The following SMARCAL1 variants were observed in gnomAD, a reference collection of about 807,000 sequenced individuals.
SMARCAL1 encodes SNF2 related chromatin remodeling annealing helicase 1, also known as ATP-driven annealing helicase.
SMARCAL1 carries 58 observed loss-of-function variants against 94.5 expected under a neutral mutation model. The ratio of observed to expected loss-of-function variants is 0.61; its 90% CI spans 0.50 to 0.76. The LOEUF is 0.76. Ranked by LOEUF, SMARCAL1 falls within the 30% of genes least tolerant of loss-of-function variation. The pLI is 0.00. For missense variants in SMARCAL1, 1,051 were observed against 1,177.9 expected (o/e 0.89, Z 1.58); for synonymous variants, 422 against 455.1 (o/e 0.93, Z 0.93).
At chr2:216,461,055 G>GGTGTGTGTGTGTGTGTGTGT (rs71054476) in intron 12 of SMARCAL1, among the ~76,000 whole-genome samples, 9 of 146,340 alleles carry the variant, frequency 6.2e-5, no homozygotes, top group Non-Finnish European at 1.2e-4. Context: ...ACTAGAAAGA[G>GGTGTGTGTGTGTGTGTGTGT]GTGTGTGTGT....
intron 17 of SMARCAL1, among the ~76,000 whole-genome samples, 169 bp downstream of exon 17, chr2:216,478,468 C>T (rs761293636): frequency 6.6e-6 from 1 of 152,178 alleles, no homozygotes; most frequent in African/African-American, 2.4e-5. Context: ...ATGCATGCAT[C>T]GCTTTATGGG....
chr2:216,479,591 T>A (rs1410401214), intron 17 of SMARCAL1, among the ~76,000 whole-genome samples: 1 of 151,896 alleles, frequency 6.6e-6, no homozygotes, highest in Non-Finnish European at 1.5e-5. Flanking sequence ...TGCTAAATAT[T>A]GGGATAAATA....
At chr2:216,450,179 G>A (rs1326169977) in intron 11 of SMARCAL1, among the ~76,000 whole-genome samples, 1 of 152,172 alleles carries the variant, frequency 6.6e-6, no homozygotes, top group East Asian at 1.9e-4. Flanking sequence ...GTGTGATGGG[G>A]AATGAACATT....
chr2:216,435,250 G>A (rs1280291102), intron 8 of SMARCAL1, 88 bp from the exon 9 acceptor site: 12 of 1,400,456 alleles, frequency 8.6e-6, no homozygotes, highest in Admixed American at 6.8e-5. Context: ...GGTGATGGCT[G>A]TTGATGGGCA....
intron 14 of SMARCAL1, among the ~76,000 whole-genome samples, chr2:216,468,822 G>A (rs1320656497): frequency 6.6e-6 from 1 of 152,172 alleles, no homozygotes; most frequent in African/African-American, 2.4e-5. Flanking sequence ...TCAGGTTCAA[G>A]TGATTCTCGT....
intron 4 of SMARCAL1, among the ~76,000 whole-genome samples, chr2:216,417,954 T>C (rs2106018047): frequency 6.6e-6 from 1 of 152,290 alleles, no homozygotes; most frequent in Middle Eastern, 3.4e-3. Context: ...AGAGTCTCAC[T>C]CTGTCGCCCA....
At chr2:216,452,479 AT>A (rs1373483302) in intron 12 of SMARCAL1, among the ~76,000 whole-genome samples, 11 of 145,348 alleles carry the variant, frequency 7.6e-5, no homozygotes, top group African/African-American at 1.9e-4. Context: ...CTGAATATTT[AT>A]AAAATGTTAT....
At chr2:216,478,109 G>A (rs978186497) in intron 16 of SMARCAL1, 94 bp from the exon 17 acceptor site, 44 of 995,256 alleles carry the variant, frequency 4.4e-5, no homozygotes, top group Middle Eastern at 2.1e-4. Context: ...TAAACAAGCC[G>A]TTGTCCCATA....
chr2:216,438,284 G>T, intron 9 of SMARCAL1, 136 bp from the exon 10 acceptor site: 1 of 755,882 alleles, frequency 1.3e-6, no homozygotes. Flanking sequence ...GGCCCAGTGA[G>T]CCATCTCCTT....
intron 12 of SMARCAL1, among the ~76,000 whole-genome samples, chr2:216,463,898 T>G (rs1321743419): frequency 2.0e-5 from 3 of 152,004 alleles, no homozygotes; most frequent in Non-Finnish European, 2.9e-5. Flanking sequence ...CAAAATTAGC[T>G]GGACGTGGTG....
chr2:216,439,724 G>A (rs1339477344), intron 10 of SMARCAL1, among the ~76,000 whole-genome samples: 1 of 152,158 alleles, frequency 6.6e-6, no homozygotes, highest in Non-Finnish European at 1.5e-5. Flanking sequence ...TCCAAGGCAG[G>A]GTCATGTCAT....
chr2:216,417,344 C>T (rs1441132922), intron 4 of SMARCAL1, among the ~76,000 whole-genome samples: 1 of 149,048 alleles, frequency 6.7e-6, no homozygotes, highest in African/African-American at 2.4e-5. Flanking sequence ...GACTGGGTGG[C>T]TTAAACAATA....
intron 12 of SMARCAL1, among the ~76,000 whole-genome samples, chr2:216,451,909 A>G (rs1694459204): frequency 6.6e-6 from 1 of 152,234 alleles, no homozygotes; most frequent in South Asian, 2.1e-4. Context: ...TACCCTGTAT[A>G]AAGATATTTA....
intron 7 of SMARCAL1, among the ~76,000 whole-genome samples, chr2:216,431,840 T>C (rs992934896): frequency 7.2e-5 from 11 of 152,182 alleles, no homozygotes; most frequent in Non-Finnish European, 1.0e-4. Context: ...AACTCAGTGC[T>C]GAGGTTGGTG....
At chr2:216,436,126 G>C (rs530231018) in intron 9 of SMARCAL1, among the ~76,000 whole-genome samples, 1 of 152,166 alleles carries the variant, frequency 6.6e-6, no homozygotes, top group African/African-American at 2.4e-5. Context: ...TTGCCACCAC[G>C]CCCAGCTAAG....
intron 13 of SMARCAL1, 37 bp from the exon 14 acceptor site, chr2:216,467,907 T>C (rs371455522): frequency 1.0e-5 from 12 of 1,205,074 alleles, no homozygotes; most frequent in Non-Finnish European, 1.5e-5. Flanking sequence ...ATAAGGAGTA[T>C]ATGTTTAATC....
At chr2:216,443,366 C>CAAA (rs34568945) in intron 10 of SMARCAL1, among the ~76,000 whole-genome samples, 43 of 80,824 alleles carry the variant, frequency 5.3e-4, no homozygotes, top group Middle Eastern at 7.2e-3. Context: ...CACTCTGTCT[C>CAAA]AAAAAAAAAA....
chr2:216,474,329 G>A (rs952495714), intron 14 of SMARCAL1, among the ~76,000 whole-genome samples: 11 of 148,298 alleles, frequency 7.4e-5, no homozygotes, highest in African/African-American at 1.5e-4. Context: ...TAGTAGAGGC[G>A]GGGTTCCGCC....
chr2:216,436,444 A>G (rs1313005783), intron 9 of SMARCAL1, among the ~76,000 whole-genome samples: 1 of 152,194 alleles, frequency 6.6e-6, no homozygotes, highest in Non-Finnish European at 1.5e-5. Context: ...ACTCACACAA[A>G]TATTGTGGGA....
Sources: allele counts gnomAD v4.1 joint callset (sites outside exome capture counted in the v4.1 genomes callset), GRCh38; gene constraint gnomAD v4.1.1; transcripts MANE v1.5; gene names NCBI Gene and HGNC (gene_info 2026-07-23, HGNC 2026-07-21).